Variants in GALNT17 observed in about 807,000 individuals in gnomAD.
The protein encoded by GALNT17 is UDP-GalNAc:polypeptide N-acetylgalactosaminyltransferase-like 3.
Under a neutral mutation model 63.7 loss-of-function variants are expected in GALNT17, and 29 were observed. The ratio of observed to expected loss-of-function variants is 0.46; its 90% CI spans 0.34 to 0.62. The LOEUF (loss-of-function observed/expected upper bound fraction) is 0.62, where lower values mean the gene tolerates loss of function less well. GALNT17 is among the 20% of genes least tolerant of loss of function. The pLI, the probability that GALNT17 is intolerant of heterozygous loss-of-function variation, is 0.01. For synonymous variants in GALNT17, 305 were observed against 318.3 expected (o/e 0.96, Z 0.45); for missense variants, 603 against 799.6 (o/e 0.75, Z 2.97).
intron 1 of GALNT17, among the ~76,000 whole-genome samples, chr7:71,151,048 C>T (rs1198377014): frequency 6.6e-6 from 1 of 151,662 alleles, no homozygotes; most frequent in Non-Finnish European, 1.5e-5. Flanking sequence ...CTGTGCTGTC[C>T]AGCCATCTCC....
intron 5 of GALNT17, among the ~76,000 whole-genome samples, chr7:71,521,429 G>T (rs185623404): frequency 6.6e-6 from 1 of 152,208 alleles, no homozygotes; most frequent in Admixed American, 6.5e-5. Flanking sequence ...ATCTGTCCTG[G>T]ACTACAAAAG....
chr7:71,621,849 C>G (rs1216431839), intron 6 of GALNT17, among the ~76,000 whole-genome samples: 1 of 152,206 alleles, frequency 6.6e-6, no homozygotes, highest in Non-Finnish European at 1.5e-5. Context: ...TAAGAAAGGG[C>G]TCTTGCCCTC....
chr7:71,370,771 CTTATTT>C (rs929322435), intron 2 of GALNT17, among the ~76,000 whole-genome samples: 2 of 151,864 alleles, frequency 1.3e-5, no homozygotes, highest in African/African-American at 4.8e-5. Flanking sequence ...GCGCCTGGCC[CTTATTT>C]TTATTTTTTG....
At chr7:71,620,838 T>C (rs1283177416) in intron 6 of GALNT17, among the ~76,000 whole-genome samples, 1 of 152,218 alleles carries the variant, frequency 6.6e-6, no homozygotes, top group African/African-American at 2.4e-5. Flanking sequence ...GTCATTTTTT[T>C]TTCTGGCATC....
chr7:71,624,087 C>T (rs1248712535), intron 6 of GALNT17, among the ~76,000 whole-genome samples: 3 of 152,164 alleles, frequency 2.0e-5, no homozygotes, highest in East Asian at 1.9e-4. Flanking sequence ...GCGATGTCGG[C>T]GGCTGTCCCA....
At chr7:71,413,478 G>A (rs1469468336) in intron 3 of GALNT17, among the ~76,000 whole-genome samples, 1 of 151,832 alleles carries the variant, frequency 6.6e-6, no homozygotes, top group Non-Finnish European at 1.5e-5. Flanking sequence ...CAATTCTCCT[G>A]CCTCGGCCTC....
At chr7:71,433,686 G>C (rs1457058445) in intron 5 of GALNT17, among the ~76,000 whole-genome samples, 1 of 152,190 alleles carries the variant, frequency 6.6e-6, no homozygotes, top group East Asian at 1.9e-4. Context: ...GAGTACAGCA[G>C]GTGATCCAAT....
At chr7:71,280,516 C>T (rs1410552416) in intron 1 of GALNT17, among the ~76,000 whole-genome samples, 1 of 152,146 alleles carries the variant, frequency 6.6e-6, no homozygotes, top group Non-Finnish European at 1.5e-5. Context: ...CTCTTGGTTG[C>T]AAGTGACAGA....
rs1169052845 is a variant in GALNT17 at position 71,236,532 on chromosome 7, T to G, written c.239-99018T>G. 3.3e-5 allele frequency among the ~76,000 whole-genome samples: 5 copies of G among 152,136 alleles called. No individual in the cohort carries two copies. In the East Asian group the frequency reaches 9.7e-4, roughly 29 times the overall value. On this transcript the variant is annotated intron_variant, in intron 1 of 10. Coordinates refer to ENST00000333538, the MANE Select transcript of GALNT17 (RefSeq NM_022479.3). ...TAATTGGCTGCCTATAGGGGTGCCTTGTTATCTTTTTCTATAAGATGGGGA... is the reference window on the plus strand; with the variant it reads ...TAATTGGCTGCCTATAGGGGTGCCTGGTTATCTTTTTCTATAAGATGGGGA...
intron 1 of GALNT17, among the ~76,000 whole-genome samples, chr7:71,136,794 C>CT (rs983242917): frequency 2.0e-4 from 28 of 138,152 alleles, no homozygotes; most frequent in East Asian, 1.1e-3. Context: ...CTGTAGGCTT[C>CT]TTTTTTTTTT....
intron 3 of GALNT17, among the ~76,000 whole-genome samples, chr7:71,390,637 C>G (rs1366816522): frequency 6.6e-6 from 1 of 152,264 alleles, no homozygotes; most frequent in Middle Eastern, 3.4e-3. Context: ...CTACCACAGA[C>G]CTCTTGCTCC....
At chr7:71,689,704 G>T (rs1225842519) in intron 9 of GALNT17, among the ~76,000 whole-genome samples, 1 of 152,210 alleles carries the variant, frequency 6.6e-6, no homozygotes, top group African/African-American at 2.4e-5. Context: ...ACTCATTGCT[G>T]AAGGTGTCTA....
chr7:71,678,919 C>T (rs1262501468), intron 9 of GALNT17, among the ~76,000 whole-genome samples: 9 of 146,574 alleles, frequency 6.1e-5, no homozygotes, highest in Non-Finnish European at 8.9e-5. Context: ...ATCGTGCCAC[C>T]GCACTAGAGC....
chr7:71,356,133 C>T (rs1792280819), intron 2 of GALNT17, among the ~76,000 whole-genome samples: 1 of 152,016 alleles, frequency 6.6e-6, no homozygotes, highest in Non-Finnish European at 1.5e-5. Flanking sequence ...CCCACCACCA[C>T]ATCAGGCTAC....
intron 1 of GALNT17, among the ~76,000 whole-genome samples, chr7:71,239,598 G>A (rs888026768): frequency 1.5e-4 from 23 of 152,342 alleles, no homozygotes; most frequent in African/African-American, 4.6e-4. Flanking sequence ...GTTCCTGCAT[G>A]ACAGCAGTAT....
chr7:71,645,836 A>G (rs1256131201), intron 6 of GALNT17, among the ~76,000 whole-genome samples: 1 of 152,142 alleles, frequency 6.6e-6, no homozygotes, highest in African/African-American at 2.4e-5. Context: ...TAATTTACCA[A>G]TTGGCAAATA....
At chr7:71,648,224 A>G (rs1210236180) in intron 6 of GALNT17, among the ~76,000 whole-genome samples, 2 of 151,702 alleles carry the variant, frequency 1.3e-5, no homozygotes, top group African/African-American at 4.8e-5. Flanking sequence ...ACATTATCTC[A>G]TATTACCTTC....
intron 1 of GALNT17, among the ~76,000 whole-genome samples, chr7:71,229,997 A>C (rs938616154): frequency 9.2e-5 from 14 of 152,310 alleles, no homozygotes; most frequent in South Asian, 8.3e-4. Flanking sequence ...GCCTTGGAGA[A>C]AACATGGTGC....
intron 6 of GALNT17, among the ~76,000 whole-genome samples, chr7:71,578,124 C>T (rs1268486631): frequency 6.6e-6 from 1 of 151,840 alleles, no homozygotes. Flanking sequence ...GCAACCTCTG[C>T]CTCCTGGGTT....
Sources: gnomAD v4.1 joint callset for allele counts (sites outside exome capture counted in the v4.1 genomes callset) on GRCh38, gnomAD v4.1.1 for gene constraint, MANE v1.5 for transcripts, NCBI Gene and HGNC (gene_info 2026-07-23, HGNC 2026-07-21) for gene names.